The following PTPRT variants were observed in gnomAD, a reference collection of about 807,000 sequenced individuals.
PTPRT encodes receptor-type tyrosine-protein phosphatase T.
In PTPRT, 56 loss-of-function variants were observed where a neutral mutation model predicts 176.8. The observed-to-expected ratio is 0.32, with a 90% CI of 0.26 to 0.40. PTPRT has a LOEUF of 0.40. Among genes scored for constraint, PTPRT ranks in the 10% least tolerant of loss-of-function variants. The probability of loss-of-function intolerance (pLI) is 1.00; values close to 1 mark genes in which losing one functional copy is unlikely to be tolerated. For synonymous variants in PTPRT, 783 were observed against 739.0 expected (o/e 1.06, Z -0.96); for missense variants, 1,540 against 1,908.2 (o/e 0.81, Z 3.60).
At chr20:42,463,313 C>T (rs540029830) in intron 8 of PTPRT, among the ~76,000 whole-genome samples, 1 of 152,090 alleles carries the variant, frequency 6.6e-6, no homozygotes, top group Admixed American at 6.5e-5. Flanking sequence ...TCCCTTTCCA[C>T]AATTTCATTT....
Position 42,282,479 on chromosome 20 carries a change from G to A in PTPRT, c.2176+10C>T, listed in dbSNP as rs1350733007. On this transcript the variant is annotated intron_variant, in intron 13 of 30. Coordinates refer to ENST00000373187, the MANE Select transcript of PTPRT (RefSeq NM_007050.6). ...AACAGGTGAAGACAGACAAGCAGAT[G>A]CCAACATACCTTTTGTAGCCAGACG... The A allele has an allele frequency of 1.2e-6, 2 of 1,608,740 alleles. No individual in the cohort carries two copies. Among genetic ancestry groups the A allele is most frequent in the Non-Finnish European group, 8.5e-7 (1 of 1,176,798 alleles).
chr20:42,818,542 A>C (rs1380910203), intron 2 of PTPRT, among the ~76,000 whole-genome samples: 2 of 152,222 alleles, frequency 1.3e-5, no homozygotes, highest in African/African-American at 2.4e-5. Flanking sequence ...AGGATCAGAC[A>C]GATGAATTGA....
intron 1 of PTPRT, among the ~76,000 whole-genome samples, chr20:42,904,664 T>C (rs976108870): frequency 6.6e-6 from 1 of 152,180 alleles, no homozygotes; most frequent in Non-Finnish European, 1.5e-5. Flanking sequence ...CAGGCATTTC[T>C]GTTTTCATGC....
intron 11 of PTPRT, among the ~76,000 whole-genome samples, chr20:42,333,142 G>A (rs1357287201): frequency 6.6e-6 from 1 of 151,968 alleles, no homozygotes; most frequent in Non-Finnish European, 1.5e-5. Flanking sequence ...ATGTATCTAT[G>A]TGATACTGGA....
At chr20:42,947,339 A>G (rs753125819) in intron 1 of PTPRT, among the ~76,000 whole-genome samples, 1 of 152,262 alleles carries the variant, frequency 6.6e-6, no homozygotes, top group East Asian at 1.9e-4. Flanking sequence ...CAAAGTTTCA[A>G]TGCTGCCCAA....
At chr20:42,892,738 A>G (rs2145890572) in intron 1 of PTPRT, among the ~76,000 whole-genome samples, 1 of 152,152 alleles carries the variant, frequency 6.6e-6, no homozygotes, top group Non-Finnish European at 1.5e-5. Context: ...AGCACTGGGG[A>G]CCCTGGGGTG....
chr20:42,236,407 G>A, intron 14 of PTPRT, 149 bp from the exon 15 acceptor site: 2 of 648,580 alleles, frequency 3.1e-6, no homozygotes, highest in South Asian at 4.0e-5. Context: ...GGAGATGCAA[G>A]TTCCTCTACT....
At position 43,189,480 on chromosome 20, in the gene PTPRT, G is replaced by A. The variant is rs145723924; in HGVS notation, c.88+166C>T. Among the ~76,000 whole-genome samples the A allele has an allele frequency of 0.043, 6,471 of 152,054 alleles. 188 individuals carry two copies. Among genetic ancestry groups the A allele is most frequent in the Non-Finnish European group, 0.066 (4,509 of 67,914 alleles). On this transcript the variant is annotated intron_variant, in intron 1 of 30. Coordinates refer to ENST00000373187, the MANE Select transcript of PTPRT (RefSeq NM_007050.6). The surrounding 1 kb of genome is among the most constrained non-coding windows in gnomAD (Gnocchi z 5.0). Reference sequence around the variant, plus strand: ...CCGGGCTCGCTGGCCGGGGCGCGCGGGGACACTGCTTCCCGCGCCTGCAAG... The same window carrying A: ...CCGGGCTCGCTGGCCGGGGCGCGCGAGGACACTGCTTCCCGCGCCTGCAAG...
chr20:42,528,677 A>G (rs1252627005), intron 7 of PTPRT, among the ~76,000 whole-genome samples: 2 of 152,172 alleles, frequency 1.3e-5, no homozygotes, highest in African/African-American at 4.8e-5. Flanking sequence ...CCTTACGACA[A>G]TTAAGGGCAA....
chr20:42,546,282 T>A (rs2072672482), intron 7 of PTPRT, among the ~76,000 whole-genome samples: 1 of 152,120 alleles, frequency 6.6e-6, no homozygotes, highest in African/African-American at 2.4e-5. Flanking sequence ...GGAAATAATG[T>A]ACAGAAATTG....
At chr20:42,593,270 C>T (rs2073611666) in intron 7 of PTPRT, among the ~76,000 whole-genome samples, 1 of 152,124 alleles carries the variant, frequency 6.6e-6, no homozygotes, top group African/African-American at 2.4e-5. Flanking sequence ...TAGTGGTCAC[C>T]CAGCCTCTGA....
intron 9 of PTPRT, among the ~76,000 whole-genome samples, chr20:42,386,196 G>C (rs547099400): frequency 8.5e-5 from 13 of 152,186 alleles, no homozygotes; most frequent in Non-Finnish European, 1.5e-4. Context: ...AGGTCTAAGA[G>C]AAATGGGGCT....
intron 7 of PTPRT, among the ~76,000 whole-genome samples, chr20:42,556,141 CA>C (rs376707600): frequency 9.8e-5 from 15 of 152,298 alleles, no homozygotes; most frequent in African/African-American, 3.6e-4. Context: ...TCTCCTCAGG[CA>C]GGGACTTGCC....
At chr20:42,066,749 C>T in the PTPRT span, among the ~76,000 whole-genome samples, 91 of 152,212 alleles carry the variant, frequency 6.0e-4, no homozygotes, top group Non-Finnish European at 9.6e-4. Context: ...AATTTACTAG[C>T]CATGATTGTT....
At chr20:43,164,617 C>T (rs1387750173) in intron 1 of PTPRT, among the ~76,000 whole-genome samples, 1 of 152,158 alleles carries the variant, frequency 6.6e-6, no homozygotes, top group Non-Finnish European at 1.5e-5. Context: ...ACACAGTGCC[C>T]ACAAACCTTT....
the PTPRT span, among the ~76,000 whole-genome samples, chr20:42,051,766 C>A: frequency 6.6e-6 from 1 of 152,236 alleles, no homozygotes; most frequent in African/African-American, 2.4e-5. Flanking sequence ...AATATGTCTT[C>A]ATACATCCGA....
chr20:42,579,353 G>A (rs1339350943), intron 7 of PTPRT, among the ~76,000 whole-genome samples: 1 of 152,074 alleles, frequency 6.6e-6, no homozygotes, highest in Non-Finnish European at 1.5e-5. Context: ...ATTGTGAATA[G>A]TGCTGCAATA....
chr20:42,453,744 C>T (rs1475395726), intron 8 of PTPRT, among the ~76,000 whole-genome samples: 2 of 149,442 alleles, frequency 1.3e-5, no homozygotes, highest in Non-Finnish European at 3.0e-5. Context: ...GATCTTGGCT[C>T]AATGCAACCT....
At chr20:42,781,359 C>A (rs554829005) in intron 3 of PTPRT, among the ~76,000 whole-genome samples, 4 of 152,242 alleles carry the variant, frequency 2.6e-5, no homozygotes, top group East Asian at 1.9e-4. Flanking sequence ...CCAGCAGACA[C>A]CCACATCTTC....
Sources: allele counts gnomAD v4.1 joint callset (sites outside exome capture counted in the v4.1 genomes callset), GRCh38; gene constraint gnomAD v4.1.1; non-coding constraint Gnocchi (gnomAD v3.1); transcripts MANE v1.5; gene names NCBI Gene and HGNC (gene_info 2026-07-23, HGNC 2026-07-21).